Variants in ERBB4 observed in about 807,000 individuals in gnomAD.
ERBB4 encodes the protein receptor tyrosine-protein kinase erbB-4.
Under a neutral mutation model 158.0 loss-of-function variants are expected in ERBB4, and 42 were observed. The ratio of observed to expected loss-of-function variants is 0.27; its 90% CI spans 0.21 to 0.34. The LOEUF is 0.34. Among genes scored for constraint, ERBB4 ranks in the 10% least tolerant of loss-of-function variants. The pLI is 1.00. For missense variants in ERBB4, 1,333 were observed against 1,624.1 expected, an observed-to-expected ratio of 0.82 and a Z score of 3.08; for synonymous variants, 583 against 558.7, an observed-to-expected ratio of 1.04 and a Z score of -0.61.
intron 1 of ERBB4, among the ~76,000 whole-genome samples, chr2:212,445,473 G>T (rs1173171163): frequency 2.0e-5 from 3 of 152,186 alleles, no homozygotes; most frequent in African/African-American, 7.2e-5. Context: ...TGGAAGTTAA[G>T]ATTGCCACCT....
intron 1 of ERBB4, among the ~76,000 whole-genome samples, chr2:212,289,984 T>C (rs2086145607): frequency 6.6e-6 from 1 of 152,124 alleles, no homozygotes; most frequent in Non-Finnish European, 1.5e-5. Flanking sequence ...GTAGCATATG[T>C]CTAAATACTT....
At chr2:212,266,852 A>T (rs963236419) in intron 1 of ERBB4, among the ~76,000 whole-genome samples, 2 of 152,012 alleles carry the variant, frequency 1.3e-5, no homozygotes, top group Non-Finnish European at 2.9e-5. Flanking sequence ...CAACAAATTA[A>T]ATGAGAAGTT....
intron 20 of ERBB4, among the ~76,000 whole-genome samples, chr2:211,504,632 C>G (rs1361650041): frequency 1.3e-5 from 2 of 152,004 alleles, no homozygotes; most frequent in Non-Finnish European, 2.9e-5. Flanking sequence ...TTCAAAAAGA[C>G]AGATAAAGAA....
intron 2 of ERBB4, among the ~76,000 whole-genome samples, chr2:212,037,053 C>A (rs2077031806): frequency 6.6e-6 from 1 of 152,168 alleles, no homozygotes; most frequent in Non-Finnish European, 1.5e-5. Context: ...TGTTGCTCCT[C>A]CTTTTCATTT....
intron 20 of ERBB4, among the ~76,000 whole-genome samples, chr2:211,449,682 T>G (rs886661980): frequency 1.3e-5 from 2 of 152,102 alleles, no homozygotes; most frequent in African/African-American, 2.4e-5. Context: ...TAAAGTTGAG[T>G]TTAATAAAAA....
intron 1 of ERBB4, among the ~76,000 whole-genome samples, chr2:212,399,884 A>G (rs1463768843): frequency 6.6e-6 from 1 of 151,940 alleles, no homozygotes; most frequent in East Asian, 1.9e-4. Context: ...TCTCAAAAAC[A>G]AAAACAAAAA....
intron 20 of ERBB4, among the ~76,000 whole-genome samples, chr2:211,528,577 A>T (rs984269935): frequency 6.6e-6 from 1 of 152,044 alleles, no homozygotes; most frequent in Non-Finnish European, 1.5e-5. Flanking sequence ...TCAGCATACA[A>T]ATTATTCCTA....
intron 2 of ERBB4, among the ~76,000 whole-genome samples, chr2:211,996,958 G>A (rs888999880): frequency 6.6e-6 from 1 of 152,164 alleles, no homozygotes; most frequent in African/African-American, 2.4e-5. Context: ...TCTTGGTTAA[G>A]GACAAACCAT....
chr2:211,473,822 G>A (rs2064888918), intron 20 of ERBB4, among the ~76,000 whole-genome samples: 1 of 151,984 alleles, frequency 6.6e-6, no homozygotes, highest in South Asian at 2.1e-4. Context: ...GTTACCTGTT[G>A]CATCCAAATC....
chr2:211,731,507 G>C (rs915801490), intron 5 of ERBB4, among the ~76,000 whole-genome samples: 3 of 151,972 alleles, frequency 2.0e-5, no homozygotes, highest in Non-Finnish European at 4.4e-5. Flanking sequence ...ACTATTAGAG[G>C]GATAAAAACA....
At chr2:211,949,920 C>A (rs1402550725) in intron 2 of ERBB4, among the ~76,000 whole-genome samples, 1 of 152,118 alleles carries the variant, frequency 6.6e-6, no homozygotes, top group Non-Finnish European at 1.5e-5. Flanking sequence ...TATTCGTAAC[C>A]TGTCTCTTTT....
At chr2:212,277,645 C>T (rs879884527) in intron 1 of ERBB4, among the ~76,000 whole-genome samples, 22 of 151,704 alleles carry the variant, frequency 1.5e-4, no homozygotes, top group Non-Finnish European at 2.8e-4. Flanking sequence ...CCCTGGCCAC[C>T]TCATCAAAAA....
At chr2:211,424,394 G>C in intron 22 of ERBB4, 93 bp from the exon 23 acceptor site, 1 of 848,476 alleles carries the variant, frequency 1.2e-6, no homozygotes. Context: ...ACTCCTTACA[G>C]GTCAATCCAA....
chr2:211,484,786 G>C (rs1006726503), intron 20 of ERBB4, among the ~76,000 whole-genome samples: 1 of 152,112 alleles, frequency 6.6e-6, no homozygotes, highest in Admixed American at 6.6e-5. Context: ...TCTGTCAATA[G>C]TTCACAGAAC....
intron 1 of ERBB4, among the ~76,000 whole-genome samples, chr2:212,486,184 T>C (rs1689969879): frequency 6.6e-6 from 1 of 151,640 alleles, no homozygotes; most frequent in African/African-American, 2.4e-5. Flanking sequence ...ATAATAATAA[T>C]AAAGAGATAA....
intron 2 of ERBB4, among the ~76,000 whole-genome samples, chr2:212,047,505 T>A (rs1439296286): frequency 6.6e-6 from 1 of 151,764 alleles, no homozygotes; most frequent in Non-Finnish European, 1.5e-5. Context: ...TGGAGTCTTG[T>A]TCTGTCCCCC....
intron 1 of ERBB4, among the ~76,000 whole-genome samples, chr2:212,318,552 A>G (rs1476235011): frequency 1.3e-5 from 2 of 151,628 alleles, no homozygotes; most frequent in Non-Finnish European, 3.0e-5. Context: ...AATCAGAAAA[A>G]AAAGAAGTGT....
chr2:212,041,070 C>G (rs1169271724), intron 2 of ERBB4, among the ~76,000 whole-genome samples: 1 of 151,936 alleles, frequency 6.6e-6, no homozygotes, highest in African/African-American at 2.4e-5. Flanking sequence ...TGAACTTGAC[C>G]AAGTTACTTA....
intron 1 of ERBB4, among the ~76,000 whole-genome samples, chr2:212,158,991 T>G (rs1243413105): frequency 6.6e-6 from 1 of 152,002 alleles, no homozygotes; most frequent in African/African-American, 2.4e-5. Flanking sequence ...ATAATGTTCT[T>G]AATAAAGAGT....
Sources: gnomAD v4.1 joint callset for allele counts (sites outside exome capture counted in the v4.1 genomes callset) on GRCh38, gnomAD v4.1.1 for gene constraint, MANE v1.5 for transcripts, NCBI Gene and HGNC (gene_info 2026-07-23, HGNC 2026-07-21) for gene names.